GRIP1: variants seen among roughly 807,000 people sequenced by gnomAD.
GRIP1 encodes the protein glutamate receptor interacting protein 1.
Under a neutral mutation model 129.9 loss-of-function variants are expected in GRIP1, and 45 were observed. The ratio of observed to expected loss-of-function variants is 0.35; its 90% confidence interval spans 0.27 to 0.44. The LOEUF (loss-of-function observed/expected upper bound fraction) is 0.44. Ranked by LOEUF, GRIP1 falls within the 20% of genes least tolerant of loss-of-function variation. The pLI, the probability that GRIP1 is intolerant of heterozygous loss-of-function variation, is 1.00. For synonymous variants in GRIP1, 530 were observed against 520.8 expected, an observed-to-expected ratio of 1.02 and a Z score of -0.24; for missense variants, 1,196 against 1,396.8, an observed-to-expected ratio of 0.86 and a Z score of 2.29.
In GRIP1 at chr12:66,386,221, C is replaced by T. The variant is rs114688217; in HGVS notation, c.2464+6087G>A. ...TATTTGTAAAATTCTAACATTCCAACCTTGTAATATTTGGTTTTCTGTACT... is the reference window on the plus strand; with the variant it reads ...TATTTGTAAAATTCTAACATTCCAATCTTGTAATATTTGGTTTTCTGTACT... On this transcript the variant is annotated intron_variant, in intron 19 of 24. Transcript: ENST00000359742. Among the ~76,000 whole-genome samples the T allele has an allele frequency of 6.0e-3, 907 of 152,250 alleles. 9 individuals carry two copies. The highest frequency in any genetic ancestry group is 0.02 in the African/African-American group (819 of 41,544).
At chr12:66,835,292 A>G (rs897529980) in intron 1 of GRIP1, among the ~76,000 whole-genome samples, 2 of 152,154 alleles carry the variant, frequency 1.3e-5, no homozygotes, top group African/African-American at 2.4e-5. Context: ...AAAACTAAAC[A>G]TACTCTTACC....
intron 11 of GRIP1, among the ~76,000 whole-genome samples, chr12:66,449,363 C>G (rs944515278): frequency 1.3e-5 from 2 of 152,190 alleles, no homozygotes; most frequent in Admixed American, 1.3e-4. Context: ...TAAGGAACTA[C>G]AAGTCATTCT....
intron 1 of GRIP1, among the ~76,000 whole-genome samples, chr12:66,851,244 C>G (rs185897758): frequency 7.9e-5 from 12 of 151,862 alleles, no homozygotes; most frequent in Admixed American, 7.2e-4. Context: ...AGACGGCATC[C>G]TTTACAACAC....
intron 1 of GRIP1, among the ~76,000 whole-genome samples, chr12:66,783,308 A>G (rs1480164054): frequency 6.6e-6 from 1 of 152,194 alleles, no homozygotes; most frequent in Non-Finnish European, 1.5e-5. Context: ...TGTTTGGATT[A>G]CAGGCGTGAG....
intron 1 of GRIP1, among the ~76,000 whole-genome samples, chr12:66,905,378 G>A (rs2040914380): frequency 7.2e-6 from 1 of 139,768 alleles, no homozygotes; most frequent in South Asian, 2.4e-4. Flanking sequence ...AGAGATGATA[G>A]ATGCCATTGG....
intron 9 of GRIP1, among the ~76,000 whole-genome samples, chr12:66,459,169 G>A (rs544656472): frequency 1.3e-5 from 2 of 152,280 alleles, no homozygotes; most frequent in Non-Finnish European, 2.9e-5. Context: ...ACTAATACAT[G>A]AATGAATGAA....
intron 1 of GRIP1, among the ~76,000 whole-genome samples, chr12:66,857,051 T>G (rs1169871572): frequency 6.6e-6 from 1 of 152,020 alleles, no homozygotes; most frequent in Non-Finnish European, 1.5e-5. Flanking sequence ...CCATAAAAAA[T>G]GATGAGTTCG....
chr12:66,565,668 A>C (rs1487147354), intron 2 of GRIP1, among the ~76,000 whole-genome samples: 2 of 152,134 alleles, frequency 1.3e-5, no homozygotes, highest in African/African-American at 4.8e-5. Context: ...GAAGAAAGTC[A>C]TTGGTAGCTT....
intron 5 of GRIP1, among the ~76,000 whole-genome samples, chr12:66,519,229 A>G (rs2138965113): frequency 6.6e-6 from 1 of 152,336 alleles, no homozygotes; most frequent in East Asian, 1.9e-4. Flanking sequence ...GTTTAGTGTG[A>G]TTGATTGGTA....
At chr12:66,374,351 C>T (rs1444035270) in intron 22 of GRIP1, among the ~76,000 whole-genome samples, 1 of 152,022 alleles carries the variant, frequency 6.6e-6, no homozygotes, top group African/African-American at 2.4e-5. Context: ...CCACGCCTGG[C>T]TAATTTTTGT....
At chr12:66,514,551 A>G (rs2060790536) in intron 7 of GRIP1, among the ~76,000 whole-genome samples, 2 of 152,104 alleles carry the variant, frequency 1.3e-5, no homozygotes, top group South Asian at 4.1e-4. Flanking sequence ...GGAAGGAAGG[A>G]AGGATGGAGA....
intron 1 of GRIP1, among the ~76,000 whole-genome samples, chr12:66,897,697 G>A (rs2040774106): frequency 6.6e-6 from 1 of 152,172 alleles, no homozygotes; most frequent in Admixed American, 6.5e-5. Flanking sequence ...CAAAACAGGG[G>A]AAATTAACGC....
At chr12:66,714,287 T>C (rs1291634821) in intron 1 of GRIP1, among the ~76,000 whole-genome samples, 2 of 152,096 alleles carry the variant, frequency 1.3e-5, no homozygotes, top group Admixed American at 6.6e-5. Flanking sequence ...GTAAAAATTT[T>C]CTATTTACAT....
At chr12:66,425,677 A>G (rs2057958936) in intron 14 of GRIP1, among the ~76,000 whole-genome samples, 1 of 152,214 alleles carries the variant, frequency 6.6e-6, no homozygotes, top group African/African-American at 2.4e-5. Flanking sequence ...TTGTAGGGAC[A>G]TGGATGAAGC....
At chr12:66,977,993 T>A (rs1323504892) in intron 1 of GRIP1, among the ~76,000 whole-genome samples, 1 of 151,760 alleles carries the variant, frequency 6.6e-6, no homozygotes, top group Non-Finnish European at 1.5e-5. Flanking sequence ...TTTTTTTATT[T>A]TTATTTTTTG....
At chr12:66,666,811 A>G (rs181695518) in intron 1 of GRIP1, among the ~76,000 whole-genome samples, 1 of 151,570 alleles carries the variant, frequency 6.6e-6, no homozygotes, top group African/African-American at 2.4e-5. Flanking sequence ...CTAAAAATGT[A>G]TTTATTTTAT....
chr12:66,553,222 A>C (rs960641728), intron 2 of GRIP1, among the ~76,000 whole-genome samples: 1 of 152,084 alleles, frequency 6.6e-6, no homozygotes, highest in African/African-American at 2.4e-5. Flanking sequence ...CATCCTTTTT[A>C]TTAGTACCTC....
At chr12:66,686,970 G>T (rs899824372) in intron 1 of GRIP1, among the ~76,000 whole-genome samples, 7 of 152,184 alleles carry the variant, frequency 4.6e-5, no homozygotes. Context: ...GCAGAGGTGG[G>T]AGGATTGCTT....
At chr12:66,847,505 A>T (rs978501277) in intron 1 of GRIP1, among the ~76,000 whole-genome samples, 2 of 152,238 alleles carry the variant, frequency 1.3e-5, no homozygotes, top group African/African-American at 4.8e-5. Flanking sequence ...TTATTTGGCA[A>T]ATTGAATAAT....
Sources: gnomAD v4.1 joint callset for allele counts (sites outside exome capture counted in the v4.1 genomes callset) on GRCh38, gnomAD v4.1.1 for gene constraint, MANE v1.5 for transcripts, NCBI Gene and HGNC (gene_info 2026-07-23, HGNC 2026-07-21) for gene names.